YWHAG: variants seen among roughly 807,000 people sequenced by gnomAD.
YWHAG encodes the protein 14-3-3 protein gamma.
In YWHAG, 1 loss-of-function variant was observed where a neutral mutation model predicts 23.3. The observed-to-expected ratio is 0.04, with a 90% CI of 0.02 to 0.20. The LOEUF (loss-of-function observed/expected upper bound fraction) is 0.20, where lower values mean the gene tolerates loss of function less well. Among genes scored for constraint, YWHAG ranks in the 10% least tolerant of loss-of-function variants. The pLI is 1.00. For missense variants in YWHAG, 151 were observed against 338.6 expected (o/e 0.45, Z 4.35); for synonymous variants, 160 against 144.0 (o/e 1.11, Z -0.80).
Position 76,327,669 on chromosome 7 carries a change from C to CG in YWHAG, c.*1907_*1908insC. 1 of 9,838 alleles carries CG rather than the reference C, an allele frequency of 1.0e-4. No individual in the cohort carries two copies. Among genetic ancestry groups the CG allele is most frequent in the Non-Finnish European group, 2.0e-4 (1 of 5,022 alleles). 0.6% of individuals were successfully genotyped at this position (9,838 alleles called of 1,614,324 possible). A position where few individuals can be genotyped will look rare whatever the true frequency, so the allele number is the denominator to read the frequency against. On this transcript the variant is annotated 3_prime_UTR_variant, in exon 2 of 2. Coordinates refer to ENST00000307630, the MANE Select transcript of YWHAG (RefSeq NM_012479.4). ...ATTAGGGAAAGCCCCACCTACCCTG[C>CG]CCCCCCCCCCCTCCCCCCCCAAATC... is the stretch of plus-strand genomic sequence containing the variant.
intron 1 of YWHAG, among the ~76,000 whole-genome samples, chr7:76,353,782 G>C (rs1406526421): frequency 6.6e-6 from 1 of 152,038 alleles, no homozygotes; most frequent in African/African-American, 2.4e-5. Context: ...TATAATTATA[G>C]ACCGGGCTGG....
chr7:76,357,963 C>A (rs76256881), intron 1 of YWHAG, among the ~76,000 whole-genome samples: 2,550 of 152,256 alleles, frequency 0.017, 71 homozygotes, highest in African/African-American at 0.057. Flanking sequence ...ACAGGCAATA[C>A]CTACCCTTTT....
chr7:76,352,501 C>A lies in YWHAG; in HGVS notation c.87+6221G>T, dbSNP rs553261098. ...AGGAAAGCTGGGTACCTGGGTCCCA[C>A]TCACCAAAATGGGCTTTCTCTCTCC... is the stretch of plus-strand genomic sequence containing the variant. On this transcript the variant is annotated intron_variant, in intron 1 of 1. Transcript: ENST00000307630. Among the ~76,000 whole-genome samples, 124 of 152,306 alleles carry A rather than the reference C, an allele frequency of 8.1e-4. 1 individual carries two copies. Among genetic ancestry groups the A allele is most frequent in the Non-Finnish European group, 1.5e-3 (99 of 68,032 alleles).
At chr7:76,340,879 C>A (rs138137926) in intron 1 of YWHAG, among the ~76,000 whole-genome samples, 3 of 152,272 alleles carry the variant, frequency 2.0e-5, no homozygotes, top group African/African-American at 7.2e-5. Flanking sequence ...TAAGTCCATA[C>A]AAAATTCTTT....
intron 1 of YWHAG, among the ~76,000 whole-genome samples, chr7:76,345,263 G>GC (rs1429167442): frequency 6.8e-6 from 1 of 147,854 alleles, no homozygotes; most frequent in Admixed American, 6.9e-5. Context: ...TTGGCTCACT[G>GC]CAAGCTCTGC....
At chr7:76,355,924 C>T (rs756958043) in intron 1 of YWHAG, among the ~76,000 whole-genome samples, 2 of 152,232 alleles carry the variant, frequency 1.3e-5, no homozygotes, top group Non-Finnish European at 2.9e-5. Context: ...GGTGTTCACT[C>T]TCCTTCAATA....
In YWHAG at chr7:76,328,282, G is replaced by GA. The variant is rs776720587; in HGVS notation, c.*1294dup. The GA allele has an allele frequency of 5.9e-5, 9 of 152,036 alleles. No homozygotes were observed. The highest frequency in any genetic ancestry group is 5.8e-4 in the East Asian group (3 of 5,198). The allele number at this position is 152,036 out of a possible 1,614,324, so 9.4% of individuals were successfully genotyped here. ...ATTCCTATGCTTTTTTCATTAAAAA[G>GA]AAAAAACTATCTCGAGAGGAAAAAG... On this transcript the variant is annotated 3_prime_UTR_variant, in exon 2 of 2. Coordinates refer to ENST00000307630, the MANE Select transcript of YWHAG (RefSeq NM_012479.4).
At position 76,349,799 on chromosome 7, in the gene YWHAG, G is replaced by A. The variant is rs139442700; in HGVS notation, c.87+8923C>T. Among the ~76,000 whole-genome samples the A allele has an allele frequency of 1.2e-3, 176 of 152,250 alleles. 8 individuals carry two copies. The South Asian group carries it at 0.033, about 28-fold the overall frequency. ...ACTTGAGGTCAGGAGTTCGAGATCA[G>A]CCTGGCTAACATGGTGAAACCTGGT... On this transcript the variant is annotated intron_variant, in intron 1 of 1. Coordinates refer to ENST00000307630, the MANE Select transcript of YWHAG (RefSeq NM_012479.4).
Position 76,358,849 on chromosome 7 carries a change from TG to T in YWHAG, c.-42del. 6.4e-7 allele frequency: 1 copy of T among 1,563,418 alleles called. No homozygotes were observed. ...TCTGGCCGGAGAAGGAGGAGGACACTGGGGCGGCCTGAAGGGCTTGGAGGGC... is the reference window on the plus strand; with the variant it reads ...TCTGGCCGGAGAAGGAGGAGGACACTGGGCGGCCTGAAGGGCTTGGAGGGC... On this transcript the variant is annotated 5_prime_UTR_variant, in exon 1 of 2. Coordinates refer to ENST00000307630, the MANE Select transcript of YWHAG (RefSeq NM_012479.4).
intron 1 of YWHAG, among the ~76,000 whole-genome samples, chr7:76,336,471 T>C (rs1278876135): frequency 2.5e-4 from 32 of 128,876 alleles, no homozygotes; most frequent in African/African-American, 5.8e-4. Context: ...TTTTTTTTTT[T>C]CTGAGACAGA....
rs1203938376 is a variant in YWHAG, at chr7:76,358,878, G to A, written c.-70C>T. ...GCGGCCTGAAGGGCTTGGAGGGCGC[G>A]ACTGGAGCCCAAGTGCCGGAGAGGA... On this transcript the variant is annotated 5_prime_UTR_variant, in exon 1 of 2. Transcript: ENST00000307630. The A allele has an allele frequency of 2.8e-6, 4 of 1,442,044 alleles. No individual in the cohort carries two copies. Among genetic ancestry groups the A allele is most frequent in the South Asian group, 2.6e-5 (2 of 77,102 alleles). 89.3% of individuals were successfully genotyped at this position (1,442,044 alleles called of 1,614,324 possible). A position where few individuals can be genotyped will look rare whatever the true frequency, so the allele number is the denominator to read the frequency against.
chr7:76,331,292 G>A (rs968506725), intron 1 of YWHAG, among the ~76,000 whole-genome samples: 1 of 151,688 alleles, frequency 6.6e-6, no homozygotes, highest in Non-Finnish European at 1.5e-5. Flanking sequence ...GATGGGGAGA[G>A]GAGAGGAGAG....
chr7:76,345,314 C>T (rs10267734), intron 1 of YWHAG, among the ~76,000 whole-genome samples: 97,195 of 151,172 alleles, frequency 0.64, 32,888 homozygotes, highest in East Asian at 0.94. Context: ...GTCCCCCGAG[C>T]AGCTGGGACT....
chr7:76,333,731 T>C (rs1342263072), intron 1 of YWHAG, among the ~76,000 whole-genome samples: 2 of 152,226 alleles, frequency 1.3e-5, no homozygotes, highest in African/African-American at 2.4e-5. Flanking sequence ...CTTTACTGAG[T>C]GTGCGAATGC....
intron 1 of YWHAG, among the ~76,000 whole-genome samples, chr7:76,333,667 T>C (rs544219279): frequency 2.0e-5 from 3 of 152,316 alleles, no homozygotes; most frequent in Non-Finnish European, 4.4e-5. Context: ...TGCCCAGACT[T>C]GGCTTTGGAA....
chr7:76,358,117 A>C (rs1256651609), intron 1 of YWHAG, among the ~76,000 whole-genome samples: 4 of 152,220 alleles, frequency 2.6e-5, no homozygotes, highest in Admixed American at 6.5e-5. Flanking sequence ...TTTGTTAAGA[A>C]AAACGTGAGC....
At chr7:76,358,307 GGAGA>G (rs1803992345) in intron 1 of YWHAG, among the ~76,000 whole-genome samples, 1 of 152,186 alleles carries the variant, frequency 6.6e-6, no homozygotes, top group Non-Finnish European at 1.5e-5. Flanking sequence ...CAGACACCAG[GGAGA>G]GAAAGAGGAA....
rs1244356302 is a variant in YWHAG, at chr7:76,336,471, T to TC, written c.88-6239dup. Among the ~76,000 whole-genome samples the TC allele has an allele frequency of 2.9e-3, 379 of 128,868 alleles. 1 individual carries two copies. The highest frequency in any genetic ancestry group is 0.011 in the African/African-American group (362 of 32,586). 84.5% of individuals were successfully genotyped at this position (128,868 alleles called of 152,430 possible). ...TCTGGCTTTTTTTTTTTTTTTTTTT[T>TC]CTGAGACAGAGTTTCACTCTGTCAC... On this transcript the variant is annotated intron_variant, in intron 1 of 1. Coordinates refer to ENST00000307630, the MANE Select transcript of YWHAG (RefSeq NM_012479.4).
chr7:76,348,431 T>G (rs1033224308), intron 1 of YWHAG, among the ~76,000 whole-genome samples: 2 of 145,868 alleles, frequency 1.4e-5, no homozygotes, highest in African/African-American at 5.4e-5. Flanking sequence ...ATTTTTTTTT[T>G]TTTTTTTTTT....
Sources: gnomAD v4.1 joint callset for allele counts (sites outside exome capture counted in the v4.1 genomes callset) on GRCh38, gnomAD v4.1.1 for gene constraint, MANE v1.5 for transcripts, NCBI Gene and HGNC (gene_info 2026-07-23, HGNC 2026-07-21) for gene names.